Variants in MEGF10 observed in about 807,000 individuals in gnomAD.
MEGF10 encodes the protein multiple epidermal growth factor-like domains protein 10.
In MEGF10, 86 loss-of-function variants were observed where a neutral mutation model predicts 147.5. The ratio of observed to expected loss-of-function variants is 0.58; its 90% CI spans 0.49 to 0.70. MEGF10 has a LOEUF of 0.70. Ranked by LOEUF, MEGF10 falls within the 30% of genes least tolerant of loss-of-function variation. The pLI is 0.00. For synonymous variants in MEGF10, 478 were observed against 525.5 expected, an observed-to-expected ratio of 0.91 and a Z score of 1.24; for missense variants, 1,329 against 1,487.3, an observed-to-expected ratio of 0.89 and a Z score of 1.75.
At chr5:127,375,045 T>C (rs77116496) in intron 5 of MEGF10, among the ~76,000 whole-genome samples, 2,445 of 152,292 alleles carry the variant, frequency 0.016, 47 homozygotes, top group South Asian at 0.076. Flanking sequence ...TATTAAGAGG[T>C]ATTCCACAGA....
chr5:127,374,401 T>C (rs1762950597), intron 5 of MEGF10, among the ~76,000 whole-genome samples: 2 of 152,142 alleles, frequency 1.3e-5, no homozygotes, highest in South Asian at 4.1e-4. Context: ...GAGCAGGCAA[T>C]GAAGGATAAA....
At chr5:127,312,017 C>G (rs1210562827) in intron 1 of MEGF10, among the ~76,000 whole-genome samples, 1 of 152,046 alleles carries the variant, frequency 6.6e-6, no homozygotes, top group African/African-American at 2.4e-5. Flanking sequence ...CAGCAGCATC[C>G]CATCACAACT....
At chr5:127,291,717 C>T (rs1375946770) in intron 1 of MEGF10, among the ~76,000 whole-genome samples, 1 of 151,928 alleles carries the variant, frequency 6.6e-6, no homozygotes, top group Admixed American at 6.6e-5. Context: ...TGATCTTTTT[C>T]TTTTAAATTC....
chr5:127,309,947 C>CTCTTTCTTTCCTTCTT lies in MEGF10; in HGVS notation c.-19+18901_-19+18902insCTTCTTTCTTTCTTTC, dbSNP rs1554088996. 3.3e-5 allele frequency among the ~76,000 whole-genome samples: 3 copies of CTCTTTCTTTCCTTCTT among 90,396 alleles called. No individual in the cohort carries two copies. The Admixed American group carries it at 3.4e-4, about 10-fold the overall frequency. 59.3% of individuals were successfully genotyped at this position (90,396 alleles called of 152,430 possible). A position where few individuals can be genotyped will look rare whatever the true frequency, so the allele number is the denominator to read the frequency against. ...TCCAATTTTTCCACATCCTTGCCAACTCTTTCTTTCTTTCTTTCTTTCTTT... is the reference window on the plus strand; with the variant it reads ...TCCAATTTTTCCACATCCTTGCCAACTCTTTCTTTCCTTCTTTCTTTCTTTCTTTCTTTCTTTCTTT... On this transcript the variant is annotated intron_variant, in intron 1 of 24. Transcript: ENST00000503335.
At position 127,387,672 on chromosome 5, in the gene MEGF10, A is replaced by G. The variant is rs181611544; in HGVS notation, c.413-8860A>G. On this transcript the variant is annotated intron_variant, in intron 5 of 24. Transcript: ENST00000503335. ...TTGAACCCTTGCTTTTGCCACTCAAACGCCAAGTGGCTTTGAGCAAATTGC... is the reference window on the plus strand; with the variant it reads ...TTGAACCCTTGCTTTTGCCACTCAAGCGCCAAGTGGCTTTGAGCAAATTGC... 3.5e-4 allele frequency among the ~76,000 whole-genome samples: 53 copies of G among 152,350 alleles called. 1 individual carries two copies. The highest frequency in any genetic ancestry group is 3.4e-3 in the Admixed American group (52 of 15,300).
At chr5:127,302,667 T>A (rs1759824576) in intron 1 of MEGF10, among the ~76,000 whole-genome samples, 1 of 152,210 alleles carries the variant, frequency 6.6e-6, no homozygotes, top group South Asian at 2.1e-4. Flanking sequence ...GTGAGATGTG[T>A]CTGCATAGAT....
the MEGF10 span, among the ~76,000 whole-genome samples, chr5:127,280,367 C>A: frequency 2.6e-5 from 4 of 152,124 alleles, no homozygotes; most frequent in African/African-American, 9.7e-5. Context: ...AAGAGATGCT[C>A]CTCATGATGG....
intron 8 of MEGF10, among the ~76,000 whole-genome samples, chr5:127,405,883 G>A: frequency 6.6e-6 from 1 of 151,154 alleles, no homozygotes; most frequent in East Asian, 1.9e-4. Flanking sequence ...AATTTTTCAT[G>A]CAATGAATTA....
At chr5:127,424,466 GTCC>G (rs1765141938) in intron 13 of MEGF10, 4 of 1,316,044 alleles carry the variant, frequency 3.0e-6, no homozygotes, top group Non-Finnish European at 2.1e-6. Flanking sequence ...GGGGAATACT[GTCC>G]ACTTAACAAT....
chr5:127,247,322 AG>A, the MEGF10 span, among the ~76,000 whole-genome samples: 6 of 2,570 alleles, frequency 2.3e-3, no homozygotes, highest in South Asian at 0.043. Flanking sequence ...AAGAGAGAGA[AG>A]AAGAAGAAGA....
the MEGF10 span, among the ~76,000 whole-genome samples, chr5:127,283,612 T>C: frequency 6.6e-6 from 1 of 152,320 alleles, no homozygotes; most frequent in East Asian, 1.9e-4. Context: ...GAACTTTGCT[T>C]CTCAAAGTGC....
intron 4 of MEGF10, among the ~76,000 whole-genome samples, chr5:127,363,990 T>G (rs1762568570): frequency 6.6e-6 from 1 of 152,164 alleles, no homozygotes; most frequent in East Asian, 1.9e-4. Flanking sequence ...CACTCCTCCC[T>G]GCAACATTAT....
intron 20 of MEGF10, 89 bp from the exon 21 acceptor site, chr5:127,447,468 C>T (rs945274586): frequency 3.8e-5 from 60 of 1,568,290 alleles, no homozygotes; most frequent in Non-Finnish European, 4.9e-5. Flanking sequence ...TGAGCCACCT[C>T]GCTGGGCCTG....
chr5:127,306,847 G>A (rs1474155738), intron 1 of MEGF10, among the ~76,000 whole-genome samples: 2 of 152,150 alleles, frequency 1.3e-5, no homozygotes. Context: ...TTTATGCTGG[G>A]TTGTGGGGGG....
At position 127,396,599 on chromosome 5, in the gene MEGF10, C is replaced by A. The variant is rs1215256187; in HGVS notation, c.480C>A (p.Cys160Ter). ...SRCQCKNGAL[C>*]NPITGACHCA... is the part of the protein sequence containing the mutation. ...GCCAGTGCAAAAATGGGGCTCTGTG[C>A]AACCCCATCACCGGGGCTTGCCACT... Residue 160 changes from cysteine to a stop codon, truncating the protein, a stop_gained, in exon 6 of 25, where the codon TGC (cysteine) becomes TGA (stop). Coordinates refer to ENST00000503335, the MANE Select transcript of MEGF10 (RefSeq NM_001256545.2). LOFTEE classifies it high-confidence loss of function. The A allele has an allele frequency of 5.6e-6, 9 of 1,611,776 alleles. No homozygotes were observed. Among genetic ancestry groups the A allele is most frequent in the Non-Finnish European group, 7.6e-6 (9 of 1,178,760 alleles).
chr5:127,418,350 C>G (rs1413234785), intron 10 of MEGF10, among the ~76,000 whole-genome samples: 5 of 152,178 alleles, frequency 3.3e-5, no homozygotes, highest in African/African-American at 1.2e-4. Context: ...GGCTAGGAAT[C>G]TTTGCTTTAA....
intron 5 of MEGF10, among the ~76,000 whole-genome samples, chr5:127,379,245 T>C (rs1763159577): frequency 6.6e-6 from 1 of 152,174 alleles, no homozygotes; most frequent in Non-Finnish European, 1.5e-5. Flanking sequence ...GTTTCCCTGC[T>C]TCTTCCTCAG....
At chr5:127,395,360 T>G (rs965707060) in intron 5 of MEGF10, among the ~76,000 whole-genome samples, 7 of 152,186 alleles carry the variant, frequency 4.6e-5, no homozygotes, top group African/African-American at 1.7e-4. Context: ...TTCCTTTGTC[T>G]TTTACCTGGT....
At chr5:127,397,862 A>C (rs553339613) in intron 6 of MEGF10, among the ~76,000 whole-genome samples, 50 of 152,312 alleles carry the variant, frequency 3.3e-4, no homozygotes, top group Non-Finnish European at 6.5e-4. Flanking sequence ...CTTGTCAGTC[A>C]GTAGGAGAGA....
Sources: gnomAD v4.1 joint callset for allele counts (sites outside exome capture counted in the v4.1 genomes callset) on GRCh38, gnomAD v4.1.1 for gene constraint, MANE v1.5 for transcripts, NCBI Gene and HGNC (gene_info 2026-07-23, HGNC 2026-07-21) for gene names.